ITIH6: variants seen among roughly 807,000 people sequenced by gnomAD.
ITIH6 encodes the protein inter-alpha-trypsin inhibitor heavy chain H6.
ITIH6 carries 60 observed loss-of-function variants against 58.2 expected under a neutral mutation model. That is an observed-to-expected ratio of 1.03 (90% CI 0.84 to 1.28). The LOEUF is 1.28. ITIH6 is among the 50% of genes most tolerant of loss of function. The pLI is 0.00. For synonymous variants in ITIH6, 493 were observed against 417.4 expected (o/e 1.18, Z -2.21); for missense variants, 1,290 against 1,021.1 (o/e 1.26, Z -3.59).
At chrX:54,779,170 G>A (rs1484960692) in intron 5 of ITIH6, among the ~76,000 whole-genome samples, 3 of 112,130 alleles carry the variant, frequency 2.7e-5, no homozygotes, top group Non-Finnish European at 5.6e-5. Flanking sequence ...GGATGTTACT[G>A]AGCAATAAAT....
rs900805817 is a variant in ITIH6 at position 54,751,527 on chromosome X, C to A, written c.3353-147G>T. 4.7e-6 allele frequency: 3 copies of A among 640,255 alleles called. No homozygotes were observed. In the East Asian group the frequency reaches 1.0e-4, roughly 22 times the overall value. 52.8% of individuals were successfully genotyped at this position (640,255 alleles called of 1,213,427 possible). A position where few individuals can be genotyped will look rare whatever the true frequency, so the allele number is the denominator to read the frequency against. Reference sequence around the variant, plus strand: ...ACTACTTCTACCATGGTCCACCTGGCTGCTCCTTCCTGAGCAGTGTGTGGA... The same window carrying A: ...ACTACTTCTACCATGGTCCACCTGGATGCTCCTTCCTGAGCAGTGTGTGGA... On this transcript the variant is annotated intron_variant, in intron 11 of 12. Transcript: ENST00000218436.
At position 54,791,040 on chromosome X, in the gene ITIH6, G is replaced by T. The variant is rs1165107845; in HGVS notation, c.413C>A (p.Ala138Glu). The change falls in exon 4 of 13, where the codon GCA becomes GAA. Residue 138 changes from alanine to glutamate, a missense_variant. Transcript: ENST00000218436. ...EKFRISTSLA[A>E]GTEVTFSLAY... ...CAGGGAAAAAGTCACCTCTGTGCCT[G>T]CTGCCAGGCTGGTGGAGATGCGGAA... The T allele has an allele frequency of 8.3e-7, 1 of 1,209,891 alleles. No homozygotes were observed. Among genetic ancestry groups the T allele is most frequent in the Admixed American group, 2.2e-5 (1 of 45,874 alleles).
At chrX:54,759,298 C>T (rs1042696218) in intron 7 of ITIH6, among the ~76,000 whole-genome samples, 2 of 110,014 alleles carry the variant, frequency 1.8e-5, no homozygotes, top group Non-Finnish European at 3.8e-5. Context: ...GGCAGGCTCC[C>T]AAGGCTAGCA....
Position 54,757,180 on chromosome X carries a change from G to T in ITIH6, c.2894C>A (p.Pro965Gln). 8.3e-7 allele frequency: 1 copy of T among 1,208,298 alleles called. No homozygotes were observed. The highest frequency in any genetic ancestry group is 1.7e-5 in the African/African-American group (1 of 57,581). The change falls in exon 8 of 13, where the codon CCA (proline) becomes CAA (glutamine). Residue 965 changes from proline to glutamine, a missense_variant. Physicochemically the swap from Pro to Gln is moderately conservative, Grantham distance 76. Transcript: ENST00000218436. ...GGAGCTGTTGAGTAGGCTCATTGTT[G>T]GAACTCCTGGCCTAGATGGTCCCAG... The part of the protein sequence containing the change: ...QVLGPSRPGV[P>Q]TMSLLNSSRP...
At chrX:54,772,295 A>T (rs998232495) in intron 6 of ITIH6, among the ~76,000 whole-genome samples, 1 of 112,421 alleles carries the variant, frequency 8.9e-6, no homozygotes, top group Non-Finnish European at 1.9e-5. Context: ...GGAGCTAAAC[A>T]TTGAACACAC....
chrX:54,792,155 A>G (rs1349756203), intron 2 of ITIH6, 119 bp from the exon 3 acceptor site: 19 of 482,422 alleles, frequency 3.9e-5, no homozygotes, highest in Non-Finnish European at 1.4e-5. Flanking sequence ...AAGAGAAAGA[A>G]CAACACAGTG....
Position 54,773,423 on chromosome X carries a change from C to T in ITIH6, c.903+658G>A, listed in dbSNP as rs1403534786. Among the ~76,000 whole-genome samples, 6 of 111,243 alleles carry T rather than the reference C, an allele frequency of 5.4e-5. No individual in the cohort carries two copies. The Admixed American group carries it at 5.7e-4, about 11-fold the overall frequency. ...GTAAAACAAACTCAGCCTTAGGTCC[C>T]AAAGGCTCTGTGATTGAAAGATTAA... On this transcript the variant is annotated intron_variant, in intron 6 of 12. Transcript: ENST00000218436.
At chrX:54,787,184 C>T (rs1379780226) in intron 5 of ITIH6, 2 of 112,067 alleles carry the variant, frequency 1.8e-5, no homozygotes, top group Non-Finnish European at 3.8e-5. Context: ...TGGCAAGGTA[C>T]CCTTGGCTCC....
At chrX:54,751,650 T>A (rs1166479069) in intron 11 of ITIH6, among the ~76,000 whole-genome samples, 1 of 112,257 alleles carries the variant, frequency 8.9e-6, no homozygotes, top group Non-Finnish European at 1.9e-5. Flanking sequence ...TGTGTTTGGT[T>A]ATGTTCATAT....
chrX:54,788,668 T>A lies in ITIH6; in HGVS notation c.617-19A>T, dbSNP rs1177442852. ...ACCTCACCTGTATGGGTGGGGAGGA[T>A]CGGGGCGGGGTGGTACAGAGGACTC... On this transcript the variant is annotated intron_variant, in intron 4 of 12. Coordinates refer to ENST00000218436, the MANE Select transcript of ITIH6 (RefSeq NM_198510.3). The A allele has an allele frequency of 8.4e-7, 1 of 1,186,230 alleles. No homozygotes were observed. The highest frequency in any genetic ancestry group is 1.8e-5 in the African/African-American group (1 of 56,440).
At position 54,749,601 on chromosome X, in the gene ITIH6, C is replaced by G; in HGVS notation, c.*294G>C. The G allele has an allele frequency of 3.6e-6, 1 of 276,514 alleles. No homozygotes were observed. The highest frequency in any genetic ancestry group is 6.4e-6 in the Non-Finnish European group (1 of 157,322). The allele number at this position is 276,514 out of a possible 1,213,427, so 22.8% of individuals were successfully genotyped here. On this transcript the variant is annotated 3_prime_UTR_variant, in exon 13 of 13. Transcript: ENST00000218436. ...TTAGGGAAAGCTGTGAGCAGAACTA[C>G]TGATCATTTTTTCGTTTTACAAAAG...
intron 1 of ITIH6, 65 bp downstream of exon 1, chrX:54,798,044 A>G (rs1929475010): frequency 1.3e-6 from 1 of 775,357 alleles, no homozygotes; most frequent in Non-Finnish European, 1.9e-6. Flanking sequence ...ACCTTCCCAA[A>G]TTTCCCCCAA....
chrX:54,798,142 C>T lies in ITIH6; in HGVS notation c.69G>A (p.Gln23=). 8.4e-7 allele frequency: 1 copy of T among 1,192,580 alleles called. No individual in the cohort carries two copies. Among genetic ancestry groups the T allele is most frequent in the Non-Finnish European group, 1.1e-6 (1 of 886,144 alleles). Residue 23 remains glutamine, a synonymous_variant, in exon 1 of 13, where the codon CAG becomes CAA. Coordinates refer to ENST00000218436, the MANE Select transcript of ITIH6 (RefSeq NM_198510.3). Reference sequence around the variant, plus strand: ...TTGATGAAGCGGGGACAGGGGGTCCCTGGTATGTCAGTTCAAGAAGAATGG... The same window carrying T: ...TTGATGAAGCGGGGACAGGGGGTCCTTGGTATGTCAGTTCAAGAAGAATGG... ...LLTILLELTY[Q]GPPVPASSST...
intron 2 of ITIH6, among the ~76,000 whole-genome samples, chrX:54,795,392 T>A (rs1368600093): frequency 2.7e-5 from 3 of 112,363 alleles, no homozygotes; most frequent in Non-Finnish European, 5.6e-5. Flanking sequence ...CATAAATGAA[T>A]AAGTATATAT....
chrX:54,792,396 AT>A (rs1439769750), intron 2 of ITIH6, among the ~76,000 whole-genome samples: 1 of 111,797 alleles, frequency 8.9e-6, no homozygotes, highest in Non-Finnish European at 1.9e-5. Flanking sequence ...TTTTATTATA[AT>A]TGTTATGTAT....
chrX:54,774,845 G>A (rs769265566), intron 5 of ITIH6, among the ~76,000 whole-genome samples: 27 of 112,094 alleles, frequency 2.4e-4, no homozygotes, highest in Non-Finnish European at 4.1e-4. Flanking sequence ...GGCTGGGACA[G>A]CTGAGGGAAG....
At chrX:54,793,521 C>G (rs140298992) in intron 2 of ITIH6, among the ~76,000 whole-genome samples, 105 of 112,304 alleles carry the variant, frequency 9.3e-4, no homozygotes, top group African/African-American at 3.4e-3. Context: ...CAATCCACAT[C>G]CAATCCATCA....
Position 54,792,027 on chromosome X carries a change from G to T in ITIH6, c.267C>A (p.Asn89Lys), listed in dbSNP as rs372063113. ...AFISNFTMTI[N>K]NKVYIAEVKE... Reference sequence around the variant, plus strand: ...TGACTTCTGCAATGTAGACTTTATTGTTGATGGTCCTAATGGGGCAGGAAA... The same window carrying T: ...TGACTTCTGCAATGTAGACTTTATTTTTGATGGTCCTAATGGGGCAGGAAA... The change falls in exon 3 of 13, where the codon AAC becomes AAA. Residue 89 changes from asparagine (N) to lysine (K), a missense_variant. Transcript: ENST00000218436. The T allele has an allele frequency of 7.5e-6, 9 of 1,195,621 alleles. No homozygotes were observed. Among genetic ancestry groups the T allele is most frequent in the Non-Finnish European group, 9.1e-6 (8 of 882,409 alleles).
At chrX:54,767,077 G>C (rs1027561146) in intron 6 of ITIH6, among the ~76,000 whole-genome samples, 1 of 110,602 alleles carries the variant, frequency 9.0e-6, no homozygotes, top group Non-Finnish European at 1.9e-5. Flanking sequence ...TCCTGTTATT[G>C]GTCTATTCAG....
Sources: allele counts gnomAD v4.1 joint callset (sites outside exome capture counted in the v4.1 genomes callset), GRCh38; gene constraint gnomAD v4.1.1; transcripts MANE v1.5; gene names NCBI Gene and HGNC (gene_info 2026-07-23, HGNC 2026-07-21).